ETV1: variants seen among roughly 807,000 people sequenced by gnomAD.
The protein encoded by ETV1 is ETS variant transcription factor 1.
In ETV1, 27 loss-of-function variants were observed where a neutral mutation model predicts 62.3. That is an observed-to-expected ratio of 0.43 (90% CI 0.32 to 0.60). The LOEUF (loss-of-function observed/expected upper bound fraction) is 0.60. Ranked by LOEUF, ETV1 falls within the 20% of genes least tolerant of loss-of-function variation. ETV1 has a pLI of 0.06. For synonymous variants in ETV1, 222 were observed against 199.6 expected, an observed-to-expected ratio of 1.11 and a Z score of -0.94; for missense variants, 605 against 605.8, an observed-to-expected ratio of 1.00 and a Z score of 0.01.
chr7:13,906,340 A>C, intron 12 of ETV1, 90 bp downstream of exon 12: 1 of 863,068 alleles, frequency 1.2e-6, no homozygotes, highest in Non-Finnish European at 1.7e-6. Context: ...GAAATGATTA[A>C]GAATACATTT....
intron 6 of ETV1, among the ~76,000 whole-genome samples, chr7:13,949,108 T>C (rs75913007): frequency 0.011 from 1,606 of 151,996 alleles, 32 homozygotes; most frequent in African/African-American, 0.036. Flanking sequence ...AAACAAATCA[T>C]AGTGTGGATA....
chr7:13,957,064 C>G (rs774743385), intron 6 of ETV1, among the ~76,000 whole-genome samples: 3 of 151,704 alleles, frequency 2.0e-5, no homozygotes, highest in Non-Finnish European at 4.4e-5. Flanking sequence ...CCTAAGTCAC[C>G]TATTTATTTA....
intron 5 of ETV1, among the ~76,000 whole-genome samples, chr7:13,984,814 A>G (rs1231382158): frequency 6.6e-6 from 1 of 152,014 alleles, no homozygotes; most frequent in Non-Finnish European, 1.5e-5. Flanking sequence ...ATTTACAGGT[A>G]TGTTAATAAT....
intron 6 of ETV1, among the ~76,000 whole-genome samples, chr7:13,960,500 G>A (rs1430121933): frequency 2.6e-5 from 4 of 152,150 alleles, no homozygotes; most frequent in East Asian, 1.9e-4. Context: ...ACAGCTTAAA[G>A]AAGTTAATTA....
rs549915859 is a variant in ETV1, at chr7:13,977,590, T to C, written c.182-110A>G. 3.3e-5 allele frequency: 24 copies of C among 721,892 alleles called. No homozygotes were observed. The African/African-American group carries it at 4.1e-4, about 12-fold the overall frequency. 44.7% of individuals were successfully genotyped at this position (721,892 alleles called of 1,614,324 possible). A position where few individuals can be genotyped will look rare whatever the true frequency, so the allele number is the denominator to read the frequency against. On this transcript the variant is annotated intron_variant, in intron 5 of 13. Coordinates refer to ENST00000430479, the MANE Select transcript of ETV1 (RefSeq NM_004956.5). The stretch of plus-strand genomic sequence containing the variant: ...GATCTTCTTGGGCTGAGATCAAACC[T>C]ATGATTATTTGCCAATGAGCTCCTA...
At chr7:13,974,805 G>A (rs1286834612) in intron 6 of ETV1, 2 of 152,274 alleles carry the variant, frequency 1.3e-5, no homozygotes, top group Non-Finnish European at 2.9e-5. Flanking sequence ...TGATTTCACT[G>A]TTGGACTTGC....
chr7:13,989,297 C>T lies in ETV1; in HGVS notation c.-117G>A. 2.0e-6 allele frequency: 1 copy of T among 498,348 alleles called. No individual in the cohort carries two copies. 30.9% of individuals were successfully genotyped at this position (498,348 alleles called of 1,614,324 possible). A position where few individuals can be genotyped will look rare whatever the true frequency, so the allele number is the denominator to read the frequency against. On this transcript the variant is annotated 5_prime_UTR_variant, in exon 2 of 14. The change creates a new upstream start codon in the 5' untranslated region. Transcript: ENST00000430479. ...ATCCAAAGAGAGCCAACAGAGTTCA[C>T]AATTTACATATTTTCGGTAGTAGCA... is the stretch of plus-strand genomic sequence containing the variant.
intron 9 of ETV1, among the ~76,000 whole-genome samples, chr7:13,930,800 T>A (rs10950499): frequency 0.48 from 63,412 of 132,032 alleles, 13,479 homozygotes; most frequent in Middle Eastern, 0.51. Flanking sequence ...ATATATATTT[T>A]TTTTTTTTTG....
At chr7:13,908,513 C>G (rs985689754) in intron 11 of ETV1, among the ~76,000 whole-genome samples, 10 of 152,128 alleles carry the variant, frequency 6.6e-5, no homozygotes, top group Non-Finnish European at 1.2e-4. Context: ...CTAAATAGTA[C>G]GGCTCACCCC....
intron 9 of ETV1, among the ~76,000 whole-genome samples, chr7:13,928,662 T>C (rs1785722561): frequency 6.9e-6 from 1 of 144,186 alleles, no homozygotes; most frequent in Non-Finnish European, 1.5e-5. Flanking sequence ...ATTATACATA[T>C]AAAAACATTT....
chr7:13,936,460 A>T (rs1786815229), intron 7 of ETV1, among the ~76,000 whole-genome samples: 1 of 152,186 alleles, frequency 6.6e-6, no homozygotes, highest in Non-Finnish European at 1.5e-5. Flanking sequence ...TGGGATAATG[A>T]AGATTAATGA....
chr7:13,913,715 T>C (rs574023478), intron 9 of ETV1, among the ~76,000 whole-genome samples: 6 of 152,248 alleles, frequency 3.9e-5, no homozygotes, highest in Middle Eastern at 3.4e-3. Flanking sequence ...TCTTAAATTA[T>C]ATGAGATGAC....
At chr7:13,931,809 C>T (rs901858705) in intron 8 of ETV1, 60 bp from the exon 9 acceptor site, 19 of 1,581,522 alleles carry the variant, frequency 1.2e-5, no homozygotes, top group East Asian at 6.8e-5. Flanking sequence ...CTTTAAAATA[C>T]GGATACGGTT....
intron 5 of ETV1, among the ~76,000 whole-genome samples, chr7:13,980,788 G>C (rs1781903681): frequency 6.6e-6 from 1 of 151,938 alleles, no homozygotes; most frequent in Non-Finnish European, 1.5e-5. Context: ...TTGTTTTACT[G>C]TTTTCTGTCT....
intron 6 of ETV1, among the ~76,000 whole-genome samples, chr7:13,966,318 G>C (rs1184881516): frequency 6.6e-6 from 1 of 152,106 alleles, no homozygotes; most frequent in African/African-American, 2.4e-5. Context: ...CCTTTGGACA[G>C]AGTACATTTT....
At chr7:13,967,257 C>T (rs1227038889) in intron 6 of ETV1, among the ~76,000 whole-genome samples, 2 of 152,038 alleles carry the variant, frequency 1.3e-5, no homozygotes, top group East Asian at 3.9e-4. Context: ...AAAAACTAGT[C>T]AAAACAGGAC....
chr7:13,913,509 AC>A (rs1264824423), intron 9 of ETV1, among the ~76,000 whole-genome samples: 1 of 152,184 alleles, frequency 6.6e-6, no homozygotes, highest in Non-Finnish European at 1.5e-5. Flanking sequence ...TGGGAGGACC[AC>A]GTGGAGTAAG....
chr7:13,976,463 C>T (rs1374488406), intron 6 of ETV1, among the ~76,000 whole-genome samples: 1 of 152,142 alleles, frequency 6.6e-6, no homozygotes, highest in Non-Finnish European at 1.5e-5. Flanking sequence ...TTGCACAACC[C>T]TCTACGCCTG....
intron 12 of ETV1, among the ~76,000 whole-genome samples, chr7:13,901,481 T>C (rs1405813528): frequency 6.6e-6 from 1 of 152,220 alleles, no homozygotes; most frequent in African/African-American, 2.4e-5. Context: ...AGATATACTG[T>C]CTGTTTTATC....
Sources: allele counts gnomAD v4.1 joint callset (sites outside exome capture counted in the v4.1 genomes callset), GRCh38; gene constraint gnomAD v4.1.1; transcripts MANE v1.5; gene names NCBI Gene and HGNC (gene_info 2026-07-23, HGNC 2026-07-21).